The following TMEM132B variants were observed in gnomAD, a reference collection of about 807,000 sequenced individuals.
TMEM132B encodes transmembrane protein 132B.
TMEM132B carries 18 observed loss-of-function variants against 90.8 expected under a neutral mutation model. The ratio of observed to expected loss-of-function variants is 0.20; its 90% CI spans 0.14 to 0.29. TMEM132B has a LOEUF of 0.29. Ranked by LOEUF, TMEM132B falls within the 10% of genes least tolerant of loss-of-function variation. The pLI is 1.00. For synonymous variants in TMEM132B, 504 were observed against 523.3 expected, an observed-to-expected ratio of 0.96 and a Z score of 0.50; for missense variants, 1,096 against 1,326.8, an observed-to-expected ratio of 0.83 and a Z score of 2.70.
At chr12:125,528,617 A>G (rs1179556138) in intron 4 of TMEM132B, among the ~76,000 whole-genome samples, 4 of 152,202 alleles carry the variant, frequency 2.6e-5, no homozygotes, top group Non-Finnish European at 5.9e-5. Context: ...GAGGGGACTG[A>G]TGAATGCAAG....
Position 125,303,096 on chromosome 12 carries a change from T to C in TMEM132B, c.68-46356T>C, listed in dbSNP as rs61943082. 3.3e-5 allele frequency among the ~76,000 whole-genome samples: 5 copies of C among 151,662 alleles called. 1 individual carries two copies. The highest frequency in any genetic ancestry group is 1.2e-4 in the African/African-American group (5 of 41,272). ...TGGGGACAGAGCGAGACTCTGCATA[T>C]TAAAAAAAAAACAGAAGGGAATTCT... On this transcript the variant is annotated intron_variant, in intron 1 of 8. Transcript: ENST00000682704.
intron 4 of TMEM132B, among the ~76,000 whole-genome samples, chr12:125,562,166 A>T (rs1191653505): frequency 1.3e-5 from 2 of 152,206 alleles, no homozygotes; most frequent in African/African-American, 4.8e-5. Flanking sequence ...TATTGACTTA[A>T]GCCTTATGAA....
intron 4 of TMEM132B, among the ~76,000 whole-genome samples, chr12:125,526,595 A>C (rs1437975441): frequency 2.0e-5 from 3 of 152,194 alleles, no homozygotes; most frequent in Non-Finnish European, 4.4e-5. Context: ...TCAACCCCAG[A>C]CTTATGATTT....
chr12:125,592,209 T>C (rs1885333181), intron 5 of TMEM132B, among the ~76,000 whole-genome samples: 1 of 152,244 alleles, frequency 6.6e-6, no homozygotes, highest in African/African-American at 2.4e-5. Context: ...GATGGCTTCA[T>C]GTTTTCATGC....
chr12:125,497,323 T>C (rs1398983274), intron 3 of TMEM132B, among the ~76,000 whole-genome samples: 1 of 152,220 alleles, frequency 6.6e-6, no homozygotes, highest in Non-Finnish European at 1.5e-5. Context: ...GTTATAGCAA[T>C]CTGGGATTTT....
At chr12:125,525,805 A>G (rs962811384) in intron 4 of TMEM132B, among the ~76,000 whole-genome samples, 6 of 152,052 alleles carry the variant, frequency 3.9e-5, no homozygotes, top group African/African-American at 1.4e-4. Context: ...GAGTGGCCAC[A>G]TCCTTTGGTC....
At chr12:125,280,053 C>A (rs1875115358) in intron 1 of TMEM132B, among the ~76,000 whole-genome samples, 1 of 152,158 alleles carries the variant, frequency 6.6e-6, no homozygotes, top group Non-Finnish European at 1.5e-5. Flanking sequence ...GAGGAAGTGA[C>A]CTGTCCTTCG....
intron 3 of TMEM132B, among the ~76,000 whole-genome samples, chr12:125,516,770 A>G (rs1317084212): frequency 6.6e-6 from 1 of 152,216 alleles, no homozygotes. Flanking sequence ...TCTGAGGTCT[A>G]CGGAATGCTG....
chr12:125,595,352 G>T (rs1885416064), intron 5 of TMEM132B, among the ~76,000 whole-genome samples: 1 of 152,108 alleles, frequency 6.6e-6, no homozygotes, highest in African/African-American at 2.4e-5. Context: ...CATGGAAAGG[G>T]GGCTTCAGAG....
At chr12:125,649,950 A>G (rs1886864448) in intron 6 of TMEM132B, among the ~76,000 whole-genome samples, 1 of 152,134 alleles carries the variant, frequency 6.6e-6, no homozygotes, top group Non-Finnish European at 1.5e-5. Context: ...CACATTTCAG[A>G]TGTTTTAGCA....
At chr12:125,217,929 T>C (rs150719862) in intron 1 of TMEM132B, among the ~76,000 whole-genome samples, 1 of 152,340 alleles carries the variant, frequency 6.6e-6, no homozygotes, top group Non-Finnish European at 1.5e-5. Flanking sequence ...GATTTGAGGA[T>C]AGCCTAAACT....
At chr12:125,272,900 G>C (rs1057454501) in intron 1 of TMEM132B, among the ~76,000 whole-genome samples, 1 of 152,112 alleles carries the variant, frequency 6.6e-6, no homozygotes, top group Non-Finnish European at 1.5e-5. Flanking sequence ...GTCATTCTTC[G>C]CTCAAACAGT....
At chr12:125,376,469 G>A (rs1878488227) in intron 2 of TMEM132B, among the ~76,000 whole-genome samples, 1 of 152,210 alleles carries the variant, frequency 6.6e-6, no homozygotes, top group South Asian at 2.1e-4. Flanking sequence ...GCCGCCTTAA[G>A]TGAGGCAGGA....
chr12:125,200,356 C>T (rs148836472), intron 1 of TMEM132B, among the ~76,000 whole-genome samples: 1 of 152,146 alleles, frequency 6.6e-6, no homozygotes, highest in East Asian at 1.9e-4. Context: ...GTATTTTTTC[C>T]TGTAGGAAGT....
intron 1 of TMEM132B, among the ~76,000 whole-genome samples, chr12:125,343,600 A>G (rs543949923): frequency 1.2e-3 from 185 of 152,344 alleles, no homozygotes; most frequent in Non-Finnish European, 2.2e-3. Flanking sequence ...AACGTTGACC[A>G]TGTTCAAATT....
chr12:125,394,905 G>A (rs1297376369), intron 2 of TMEM132B, among the ~76,000 whole-genome samples: 1 of 152,166 alleles, frequency 6.6e-6, no homozygotes, highest in Admixed American at 6.5e-5. Context: ...GGTTGGAAGG[G>A]GGATGAGGGT....
rs547367672 is a variant in TMEM132B at position 125,509,328 on chromosome 12, C to T, written c.1107-10111C>T. On this transcript the variant is annotated intron_variant, in intron 3 of 8. Coordinates refer to ENST00000682704, the MANE Select transcript of TMEM132B (RefSeq NM_001366854.1). ...TTCCTGGCGCTCTAGTTATGGGTAC[C>T]GTTCACCACTTCTCTGCGCATGCAG... Among the ~76,000 whole-genome samples the T allele has an allele frequency of 9.2e-5, 14 of 152,288 alleles. No homozygotes were observed. In the South Asian group the frequency reaches 2.3e-3, roughly 25 times the overall value.
At chr12:125,423,336 C>T (rs1049914667) in intron 3 of TMEM132B, among the ~76,000 whole-genome samples, 2 of 152,218 alleles carry the variant, frequency 1.3e-5, no homozygotes, top group African/African-American at 2.4e-5. Flanking sequence ...AGTTCAAAGC[C>T]AGGATCCCAT....
chr12:125,600,556 A>T (rs143216715), intron 5 of TMEM132B, among the ~76,000 whole-genome samples: 1 of 152,212 alleles, frequency 6.6e-6, no homozygotes, highest in Non-Finnish European at 1.5e-5. Context: ...TCCTGGGCAT[A>T]TTAACTGAGT....
Sources: gnomAD v4.1 joint callset for allele counts (sites outside exome capture counted in the v4.1 genomes callset) on GRCh38, gnomAD v4.1.1 for gene constraint, MANE v1.5 for transcripts, NCBI Gene and HGNC (gene_info 2026-07-23, HGNC 2026-07-21) for gene names.